Variants in MACROD2 observed in about 807,000 individuals in gnomAD.
MACROD2 encodes the protein mono-ADP ribosylhydrolase 2, also known as ADP-ribose glycohydrolase MACROD2.
In MACROD2, 36 loss-of-function variants were observed where a neutral mutation model predicts 70.4. That is an observed-to-expected ratio of 0.51 (90% CI 0.39 to 0.68). The LOEUF (loss-of-function observed/expected upper bound fraction) is 0.68. Ranked by LOEUF, MACROD2 falls within the 30% of genes least tolerant of loss-of-function variation. MACROD2 has a pLI of 0.00. For missense variants in MACROD2, 496 were observed against 538.4 expected (o/e 0.92, Z 0.78); for synonymous variants, 172 against 178.8 (o/e 0.96, Z 0.30).
intron 3 of MACROD2, among the ~76,000 whole-genome samples, chr20:14,461,636 C>T (rs1328958724): frequency 2.0e-5 from 3 of 151,884 alleles, no homozygotes; most frequent in Admixed American, 6.6e-5. Flanking sequence ...AGGTATATCT[C>T]CTAATGCTAT....
chr20:15,037,222 A>C (rs2075320192), intron 5 of MACROD2, among the ~76,000 whole-genome samples: 2 of 151,886 alleles, frequency 1.3e-5, no homozygotes, highest in South Asian at 4.2e-4. Context: ...TTACATTTTT[A>C]CTCTAAGTCA....
chr20:14,179,318 G>A (rs2081288752), intron 3 of MACROD2, among the ~76,000 whole-genome samples: 1 of 152,160 alleles, frequency 6.6e-6, no homozygotes, highest in Non-Finnish European at 1.5e-5. Context: ...CTTTGTAACT[G>A]AAAGTAGATA....
At chr20:14,387,410 G>C (rs548316613) in intron 3 of MACROD2, among the ~76,000 whole-genome samples, 36 of 152,148 alleles carry the variant, frequency 2.4e-4, no homozygotes, top group African/African-American at 7.7e-4. Context: ...GGTCACTAAA[G>C]TCTCTGTTCC....
chr20:15,229,045 A>T (rs956885174), intron 5 of MACROD2, among the ~76,000 whole-genome samples: 3 of 152,198 alleles, frequency 2.0e-5, no homozygotes, highest in African/African-American at 7.2e-5. Flanking sequence ...CACCGATAAG[A>T]CTGGGAAGCA....
chr20:15,154,715 A>G (rs902579678), intron 5 of MACROD2, among the ~76,000 whole-genome samples: 1 of 152,194 alleles, frequency 6.6e-6, no homozygotes, highest in African/African-American at 2.4e-5. Context: ...AAGCCCATTC[A>G]TAAGGGCTCC....
intron 5 of MACROD2, among the ~76,000 whole-genome samples, chr20:15,023,377 C>A (rs2075204462): frequency 6.6e-6 from 1 of 152,196 alleles, no homozygotes; most frequent in Non-Finnish European, 1.5e-5. Flanking sequence ...GCTACATATA[C>A]TCCAGCCCTC....
chr20:14,338,016 T>C (rs1001368388), intron 3 of MACROD2, among the ~76,000 whole-genome samples: 15 of 152,326 alleles, frequency 9.8e-5, no homozygotes, highest in South Asian at 2.1e-4. Context: ...TATTATTCAC[T>C]AGCTAAAATA....
chr20:14,679,846 A>G (rs1313210150), intron 4 of MACROD2, among the ~76,000 whole-genome samples: 1 of 152,208 alleles, frequency 6.6e-6, no homozygotes, highest in Non-Finnish European at 1.5e-5. Context: ...ACTAACATGT[A>G]TCAGATGACC....
chr20:14,477,136 G>A (rs1176304132), intron 3 of MACROD2, among the ~76,000 whole-genome samples: 3 of 152,140 alleles, frequency 2.0e-5, no homozygotes, highest in Non-Finnish European at 4.4e-5. Flanking sequence ...GGAAGGGCCT[G>A]GTAAGTAGCA....
At chr20:15,474,940 G>A (rs1315859584) in intron 7 of MACROD2, among the ~76,000 whole-genome samples, 3 of 151,700 alleles carry the variant, frequency 2.0e-5, no homozygotes, top group Admixed American at 1.3e-4. Flanking sequence ...CTTCCCCCTC[G>A]CCCCTACGGT....
intron 9 of MACROD2, among the ~76,000 whole-genome samples, chr20:15,881,698 G>A (rs1251278045): frequency 1.3e-5 from 2 of 152,046 alleles, no homozygotes; most frequent in African/African-American, 2.4e-5. Context: ...GGGGCCTTTC[G>A]TTAGTTTTAC....
At chr20:15,936,974 C>T (rs1037495292) in intron 11 of MACROD2, among the ~76,000 whole-genome samples, 1 of 152,162 alleles carries the variant, frequency 6.6e-6, no homozygotes, top group African/African-American at 2.4e-5. Context: ...TGACCTGTGC[C>T]GAATGCTCCC....
At chr20:15,786,573 C>T (rs547950001) in intron 8 of MACROD2, among the ~76,000 whole-genome samples, 2 of 152,204 alleles carry the variant, frequency 1.3e-5, no homozygotes, top group East Asian at 3.9e-4. Flanking sequence ...GATAATACTC[C>T]TCCTTTTTCT....
intron 5 of MACROD2, among the ~76,000 whole-genome samples, chr20:14,713,201 ACTTTT>A (rs1219861084): frequency 2.6e-5 from 4 of 152,116 alleles, no homozygotes; most frequent in African/African-American, 7.2e-5. Flanking sequence ...GAAATTACTC[ACTTTT>A]CTTTTAATAC....
chr20:15,050,315 G>A (rs1225062125), intron 5 of MACROD2, among the ~76,000 whole-genome samples: 2 of 152,078 alleles, frequency 1.3e-5, no homozygotes, highest in Non-Finnish European at 2.9e-5. Context: ...CCACATTGGT[G>A]TAAAAGCAAA....
intron 9 of MACROD2, among the ~76,000 whole-genome samples, chr20:15,871,848 G>T (rs1038855055): frequency 3.3e-5 from 5 of 152,174 alleles, no homozygotes; most frequent in African/African-American, 1.2e-4. Flanking sequence ...TTGAGCCTAA[G>T]AGTAAGTCCT....
At chr20:14,878,423 A>G (rs975679739) in intron 5 of MACROD2, among the ~76,000 whole-genome samples, 2 of 152,124 alleles carry the variant, frequency 1.3e-5, no homozygotes, top group African/African-American at 2.4e-5. Context: ...TAGGGAGTCT[A>G]TGTCCTCTCT....
intron 5 of MACROD2, among the ~76,000 whole-genome samples, chr20:15,151,935 A>G (rs897686683): frequency 2.0e-5 from 3 of 151,762 alleles, no homozygotes; most frequent in Non-Finnish European, 4.4e-5. Flanking sequence ...GGGTCTGTAG[A>G]AGAGGAAGAT....
intron 2 of MACROD2, among the ~76,000 whole-genome samples, chr20:14,075,070 G>T (rs1353618450): frequency 2.0e-5 from 3 of 151,984 alleles, no homozygotes; most frequent in African/African-American, 2.4e-5. Flanking sequence ...CAAAATAATG[G>T]CCCCAAAGCA....
Sources: gnomAD v4.1 joint callset for allele counts (sites outside exome capture counted in the v4.1 genomes callset) on GRCh38, gnomAD v4.1.1 for gene constraint, MANE v1.5 for transcripts, NCBI Gene and HGNC (gene_info 2026-07-23, HGNC 2026-07-21) for gene names.